DIRAS2: variants seen among roughly 807,000 people sequenced by gnomAD.
The protein encoded by DIRAS2 is DIRAS family GTPase 2.
In DIRAS2, 5 loss-of-function variants were observed where a neutral mutation model predicts 13.9. The ratio of observed to expected loss-of-function variants is 0.36; its 90% CI spans 0.19 to 0.76. The LOEUF (loss-of-function observed/expected upper bound fraction) is 0.76, where lower values mean the gene tolerates loss of function less well. Ranked by LOEUF, DIRAS2 falls within the 30% of genes least tolerant of loss-of-function variation. The pLI is 0.53. For missense variants in DIRAS2, 191 were observed against 263.0 expected (o/e 0.73, Z 1.89); for synonymous variants, 111 against 105.4 (o/e 1.05, Z -0.33).
At chr9:90,636,472 T>C (rs1825372589) in intron 1 of DIRAS2, among the ~76,000 whole-genome samples, 1 of 152,162 alleles carries the variant, frequency 6.6e-6, no homozygotes, top group Non-Finnish European at 1.5e-5. Flanking sequence ...CAATATTTTG[T>C]TTGAAATGCA....
intron 1 of DIRAS2, among the ~76,000 whole-genome samples, chr9:90,637,980 A>C (rs944013389): frequency 2.0e-5 from 3 of 152,232 alleles, no homozygotes; most frequent in African/African-American, 7.2e-5. Flanking sequence ...AATATGTTGC[A>C]AATATCTTTC....
chr9:90,628,950 G>T (rs1198186777), intron 1 of DIRAS2, among the ~76,000 whole-genome samples: 2 of 152,160 alleles, frequency 1.3e-5, no homozygotes, highest in African/African-American at 4.8e-5. Context: ...CGCCTCCCGG[G>T]TTCACGCCAT....
At chr9:90,634,709 A>G (rs1825355992) in intron 1 of DIRAS2, among the ~76,000 whole-genome samples, 1 of 152,220 alleles carries the variant, frequency 6.6e-6, no homozygotes, top group South Asian at 2.1e-4. Context: ...TCCAATGAAA[A>G]CAGAAAGATG....
rs1374003225 is a variant in DIRAS2, at chr9:90,613,601, A to G, written c.227T>C (p.Ile76Thr). The change falls in exon 2 of 2, where the codon ATC becomes ACC. Residue 76 changes from isoleucine (I) to threonine (T), a missense_variant. Coordinates refer to ENST00000375765, the MANE Select transcript of DIRAS2 (RefSeq NM_017594.5). This position sits in a 1 kb window ranked among gnomAD's most constrained non-coding sequence, Gnocchi z 5.6. Reference protein sequence around the residue: ...HQFPAMQRLSISKGHAFILVY... With the variant: ...HQFPAMQRLSTSKGHAFILVY... The stretch of plus-strand genomic sequence containing the variant: ...CAGGATGAAGGCGTGCCCTTTGGAG[A>G]TGGACAGCCGCTGCATGGCCGGGAA... The G allele has an allele frequency of 1.2e-6, 2 of 1,614,036 alleles. No individual in the cohort carries two copies.
rs1413689576 is a variant in DIRAS2, at chr9:90,609,865, C to A, written c.*3363G>T. On this transcript the variant is annotated 3_prime_UTR_variant, in exon 2 of 2. Coordinates refer to ENST00000375765, the MANE Select transcript of DIRAS2 (RefSeq NM_017594.5). The stretch of plus-strand genomic sequence containing the variant: ...CATAACTGTAGCTTTATTGTAATAT[C>A]TCCCATTATTTCCAGAACATCACTG... 1 of 152,212 alleles carries A rather than the reference C, an allele frequency of 6.6e-6. No homozygotes were observed. Among genetic ancestry groups the A allele is most frequent in the Non-Finnish European group, 1.5e-5 (1 of 68,042 alleles). 9.4% of individuals were successfully genotyped at this position (152,212 alleles called of 1,614,324 possible).
At chr9:90,616,949 G>A (rs77958061) in intron 1 of DIRAS2, among the ~76,000 whole-genome samples, 2,353 of 152,232 alleles carry the variant, frequency 0.015, 68 homozygotes, top group African/African-American at 0.054. Context: ...AACAAAGGCA[G>A]GATAAGAACC....
At position 90,622,461 on chromosome 9, in the gene DIRAS2, GT is replaced by G. The variant is rs35016699; in HGVS notation, c.-36-8599del. ...CATTTGGATCTTACTTTTTTCCGGA[GT>G]TTTTTTTTTTTTCCTCTAACTCTTA... On this transcript the variant is annotated intron_variant, in intron 1 of 1. Transcript: ENST00000375765. Among the ~76,000 whole-genome samples, 90 of 144,060 alleles carry G rather than the reference GT, an allele frequency of 6.2e-4. 1 individual carries two copies. Among genetic ancestry groups the G allele is most frequent in the East Asian group, 4.0e-3 (20 of 4,966 alleles). 94.5% of individuals were successfully genotyped at this position (144,060 alleles called of 152,430 possible).
At chr9:90,620,283 AGC>A (rs1825208099) in intron 1 of DIRAS2, among the ~76,000 whole-genome samples, 1 of 152,212 alleles carries the variant, frequency 6.6e-6, no homozygotes, top group Non-Finnish European at 1.5e-5. Context: ...ACACATATAG[AGC>A]ATCAGGTCAC....
At chr9:90,614,703 T>C (rs985554100) in intron 1 of DIRAS2, among the ~76,000 whole-genome samples, 1 of 152,208 alleles carries the variant, frequency 6.6e-6, no homozygotes, top group Non-Finnish European at 1.5e-5. Flanking sequence ...TGGATAGTCA[T>C]TTCATTCATC....
At chr9:90,641,882 A>G (rs1825421958) in intron 1 of DIRAS2, among the ~76,000 whole-genome samples, 1 of 152,242 alleles carries the variant, frequency 6.6e-6, no homozygotes, top group South Asian at 2.1e-4. Flanking sequence ...CAAATATGTA[A>G]AATAAATTCC....
At position 90,642,819 on chromosome 9, in the gene DIRAS2, G is replaced by C. The variant is rs1825431004; in HGVS notation, c.-104C>G. The C allele has an allele frequency of 6.6e-6, 1 of 152,346 alleles. No homozygotes were observed. 9.4% of individuals were successfully genotyped at this position (152,346 alleles called of 1,614,324 possible). Reference sequence around the variant, plus strand: ...CACTCGCGCAGGACAGGGCAGCGCAGGGTGTGTGGATGCGGCTCCTCCCGG... The same window carrying C: ...CACTCGCGCAGGACAGGGCAGCGCACGGTGTGTGGATGCGGCTCCTCCCGG... On this transcript the variant is annotated 5_prime_UTR_variant, in exon 1 of 2. Transcript: ENST00000375765.
intron 1 of DIRAS2, among the ~76,000 whole-genome samples, chr9:90,618,078 T>C (rs1288406163): frequency 6.6e-6 from 1 of 152,156 alleles, no homozygotes; most frequent in East Asian, 1.9e-4. Flanking sequence ...CCAAAATTTA[T>C]GTAAAAATTC....
intron 1 of DIRAS2, among the ~76,000 whole-genome samples, chr9:90,642,124 G>C (rs563146882): frequency 7.5e-4 from 114 of 152,352 alleles, no homozygotes; most frequent in Non-Finnish European, 1.2e-3. Flanking sequence ...TGCTTTTCAG[G>C]CGAGCCTGGG....
At chr9:90,642,193 A>C (rs972585561) in intron 1 of DIRAS2, among the ~76,000 whole-genome samples, 5 of 152,258 alleles carry the variant, frequency 3.3e-5, no homozygotes, top group African/African-American at 1.2e-4. Context: ...TAAGGACTGG[A>C]TGCAGCCCCT....
rs192138388 is a variant in DIRAS2 at position 90,635,868 on chromosome 9, C to T, written c.-37+6884G>A. Among the ~76,000 whole-genome samples, 16 of 152,176 alleles carry T rather than the reference C, an allele frequency of 1.1e-4. 1 individual carries two copies. The highest frequency in any genetic ancestry group is 3.6e-4 in the African/African-American group (15 of 41,536). On this transcript the variant is annotated intron_variant, in intron 1 of 1. Coordinates refer to ENST00000375765, the MANE Select transcript of DIRAS2 (RefSeq NM_017594.5). Reference sequence around the variant, plus strand: ...ATTAGTATAAGTTTCCTATTTAGTACGAGTGCTACAACCAAGAGGTCTGGG... The same window carrying T: ...ATTAGTATAAGTTTCCTATTTAGTATGAGTGCTACAACCAAGAGGTCTGGG...
chr9:90,613,725 T>A lies in DIRAS2; in HGVS notation c.103A>T (p.Ser35Cys). Residue 35 changes from serine to cysteine, a missense_variant, in exon 2 of 2, where the codon AGC becomes TGC. Physicochemically the swap from Ser to Cys is moderately radical, Grantham distance 112 (BLOSUM62 -1). Coordinates refer to ENST00000375765, the MANE Select transcript of DIRAS2 (RefSeq NM_017594.5). The surrounding 1 kb of genome is among the most constrained non-coding windows in gnomAD (Gnocchi z 5.6). ...LRFVKGTFRE[S>C]YIPTVEDTYR... ...GTGTCTTCCACCGTCGGGATGTAGC[T>A]CTCCCGGAATGTGCCTTTCACAAAC... The A allele has an allele frequency of 6.2e-7, 1 of 1,614,022 alleles. No individual in the cohort carries two copies. Among genetic ancestry groups the A allele is most frequent in the South Asian group, 1.1e-5 (1 of 91,064 alleles).
At chr9:90,622,828 CT>C (rs942679002) in intron 1 of DIRAS2, among the ~76,000 whole-genome samples, 1 of 152,074 alleles carries the variant, frequency 6.6e-6, no homozygotes, top group African/African-American at 2.4e-5. Context: ...TTCGAAATTG[CT>C]TTTTGAGGGC....
In DIRAS2 at chr9:90,613,980, G is replaced by GT; in HGVS notation, c.-36-118_-36-117insA. 2 of 1,050,568 alleles carry GT rather than the reference G, an allele frequency of 1.9e-6. No homozygotes were observed. The highest frequency in any genetic ancestry group is 2.7e-6 in the Non-Finnish European group (2 of 748,544). 65.1% of individuals were successfully genotyped at this position (1,050,568 alleles called of 1,614,324 possible). On this transcript the variant is annotated intron_variant, in intron 1 of 1. Coordinates refer to ENST00000375765, the MANE Select transcript of DIRAS2 (RefSeq NM_017594.5). This position sits in a 1 kb window ranked among gnomAD's most constrained non-coding sequence, Gnocchi z 5.6. Reference sequence around the variant, plus strand: ...ATGGGAGGTGATAACATTTAAAATAGCGACAATTCTAAATCCAATAAATTT... The same window carrying GT: ...ATGGGAGGTGATAACATTTAAAATAGTCGACAATTCTAAATCCAATAAATTT...
rs1825100088 is a variant in DIRAS2, at chr9:90,610,428, T to G, written c.*2800A>C. On this transcript the variant is annotated 3_prime_UTR_variant, in exon 2 of 2. Transcript: ENST00000375765. ...TGTATGCATGCCCATGGCTTGTCGC[T>G]GGATGGAGGAGGGGCTCATGGGGAT... The G allele has an allele frequency of 1.5e-5, 6 of 398,890 alleles. No homozygotes were observed. The South Asian group carries it at 7.6e-4, about 51-fold the overall frequency. The allele number at this position is 398,890 out of a possible 1,614,324, so 24.7% of individuals were successfully genotyped here.
Sources: gnomAD v4.1 joint callset for allele counts (sites outside exome capture counted in the v4.1 genomes callset) on GRCh38, gnomAD v4.1.1 for gene constraint, Gnocchi (gnomAD v3.1) non-coding constraint, MANE v1.5 for transcripts, NCBI Gene and HGNC (gene_info 2026-07-23, HGNC 2026-07-21) for gene names.